The following CTNNA2 variants were observed in gnomAD, a reference collection of about 807,000 sequenced individuals.
The protein encoded by CTNNA2 is catenin alpha 2.
CTNNA2 carries 42 observed loss-of-function variants against 101.0 expected under a neutral mutation model. The observed-to-expected ratio is 0.42, with a 90% confidence interval of 0.32 to 0.54. CTNNA2 has a LOEUF of 0.54. Among genes scored for constraint, CTNNA2 ranks in the 20% least tolerant of loss-of-function variants. CTNNA2 has a pLI of 0.14. For synonymous variants in CTNNA2, 450 were observed against 456.4 expected (o/e 0.99, Z 0.18); for missense variants, 871 against 1,223.1 (o/e 0.71, Z 4.29).
chr2:79,735,227 G>T (rs1489571298), intron 2 of CTNNA2, among the ~76,000 whole-genome samples: 1 of 152,108 alleles, frequency 6.6e-6, no homozygotes, highest in Non-Finnish European at 1.5e-5. Context: ...GAAACATCGT[G>T]CCCTAATAGA....
chr2:80,022,822 G>A (rs1025425009), intron 7 of CTNNA2, among the ~76,000 whole-genome samples: 3 of 152,148 alleles, frequency 2.0e-5, no homozygotes, highest in Admixed American at 6.5e-5. Flanking sequence ...GAGATCACTC[G>A]TATGGCAGGC....
intron 4 of CTNNA2, among the ~76,000 whole-genome samples, chr2:79,471,844 CAAAA>C (rs1025971380): frequency 1.4e-5 from 2 of 145,928 alleles, no homozygotes; most frequent in African/African-American, 5.0e-5. Context: ...TCTCAAAAAA[CAAAA>C]AAAAAAGATT....
intron 7 of CTNNA2, among the ~76,000 whole-genome samples, chr2:80,046,539 T>A (rs886435439): frequency 3.1e-5 from 4 of 130,274 alleles, no homozygotes; most frequent in Non-Finnish European, 4.8e-5. Context: ...GTGTTCAAAC[T>A]TTTTTTACAG....
intron 3 of CTNNA2, among the ~76,000 whole-genome samples, chr2:79,344,731 G>A (rs1442854589): frequency 6.7e-6 from 1 of 150,326 alleles, no homozygotes; most frequent in African/African-American, 2.4e-5. Flanking sequence ...CTAGATACAT[G>A]TTCAATCTCT....
chr2:79,488,775 A>G (rs1052202963), intron 4 of CTNNA2, among the ~76,000 whole-genome samples: 25 of 152,070 alleles, frequency 1.6e-4, no homozygotes, highest in African/African-American at 5.8e-4. Context: ...CTCTCATGCT[A>G]TTGGTTTCAT....
chr2:79,587,312 G>A (rs537994227), intron 1 of CTNNA2, among the ~76,000 whole-genome samples: 3 of 152,004 alleles, frequency 2.0e-5, no homozygotes, highest in African/African-American at 7.2e-5. Context: ...GAAACCGTGG[G>A]CTGAGTTATT....
At chr2:80,149,782 A>T (rs1447893630) in intron 7 of CTNNA2, among the ~76,000 whole-genome samples, 3 of 138,482 alleles carry the variant, frequency 2.2e-5, no homozygotes, top group African/African-American at 6.7e-5. Context: ...GATCACACAC[A>T]CACACACACA....
At chr2:79,355,995 T>G (rs1335930376) in intron 3 of CTNNA2, among the ~76,000 whole-genome samples, 1 of 151,934 alleles carries the variant, frequency 6.6e-6, no homozygotes, top group Admixed American at 6.6e-5. Context: ...TCTATATATA[T>G]AACTCTTTGT....
chr2:80,374,675 G>A (rs1039713638), intron 7 of CTNNA2, among the ~76,000 whole-genome samples: 1 of 131,320 alleles, frequency 7.6e-6, no homozygotes, highest in African/African-American at 3.6e-5. Flanking sequence ...CTCTGCGTGC[G>A]TGCGTGCGTG....
intron 9 of CTNNA2, among the ~76,000 whole-genome samples, chr2:80,479,843 A>C (rs1382681105): frequency 6.6e-6 from 1 of 152,200 alleles, no homozygotes; most frequent in African/African-American, 2.4e-5. Context: ...TGGAAAGGTC[A>C]TTTAAATAAT....
intron 3 of CTNNA2, among the ~76,000 whole-genome samples, chr2:79,333,660 T>C (rs1461187441): frequency 6.6e-6 from 1 of 152,040 alleles, no homozygotes; most frequent in Admixed American, 6.6e-5. Flanking sequence ...TGCTCTAGGA[T>C]TCACAGAATA....
chr2:79,413,061 G>T (rs1033043730), intron 4 of CTNNA2, among the ~76,000 whole-genome samples: 45 of 151,932 alleles, frequency 3.0e-4, no homozygotes, highest in Admixed American at 1.1e-3. Context: ...CAAGTGTCAG[G>T]GTCAAAGTTT....
chr2:79,690,454 C>T (rs927193283), intron 2 of CTNNA2, among the ~76,000 whole-genome samples: 9 of 151,984 alleles, frequency 5.9e-5, no homozygotes, highest in Admixed American at 4.6e-4. Context: ...CATGTCCCTG[C>T]AAAGGACATG....
chr2:79,494,426 G>A (rs1326069621), intron 4 of CTNNA2, among the ~76,000 whole-genome samples: 1 of 152,106 alleles, frequency 6.6e-6, no homozygotes, highest in Non-Finnish European at 1.5e-5. Flanking sequence ...GCAAGCTACA[G>A]TAATCAAGAC....
chr2:79,772,944 A>C lies in CTNNA2; in HGVS notation c.298+28362A>C, dbSNP rs761898934. 8.4e-4 allele frequency among the ~76,000 whole-genome samples: 128 copies of C among 152,350 alleles called. 1 individual carries two copies. The highest frequency in any genetic ancestry group is 2.4e-4 in the Non-Finnish European group (16 of 68,030). ...TTAATGTAGCATTTTCAGTTGTTCT[A>C]TCAAACATAACATTTTATTCTAGGA... On this transcript the variant is annotated intron_variant, in intron 3 of 18. Transcript: ENST00000402739.
chr2:80,271,939 T>C (rs2149140957), intron 7 of CTNNA2, among the ~76,000 whole-genome samples: 1 of 152,306 alleles, frequency 6.6e-6, no homozygotes, highest in Non-Finnish European at 1.5e-5. Context: ...TAAGAGAGTC[T>C]TTTAGTGAGT....
At chr2:80,348,487 C>T (rs967035473) in intron 7 of CTNNA2, among the ~76,000 whole-genome samples, 17 of 152,068 alleles carry the variant, frequency 1.1e-4, no homozygotes, top group Admixed American at 9.8e-4. Context: ...ATTGCACAGC[C>T]GGTCATTGGA....
intron 7 of CTNNA2, among the ~76,000 whole-genome samples, chr2:80,046,523 G>T (rs146365909): frequency 6.6e-6 from 1 of 151,104 alleles, no homozygotes; most frequent in East Asian, 1.9e-4. Context: ...ATGGCTGAGA[G>T]CTGTGGTGTT....
chr2:79,462,378 A>G (rs896895643), intron 4 of CTNNA2, among the ~76,000 whole-genome samples: 1 of 152,142 alleles, frequency 6.6e-6, no homozygotes, highest in Non-Finnish European at 1.5e-5. Flanking sequence ...CTGCCTTCCC[A>G]GGAAGAATTG....
Sources: gnomAD v4.1 joint callset for allele counts (sites outside exome capture counted in the v4.1 genomes callset) on GRCh38, gnomAD v4.1.1 for gene constraint, MANE v1.5 for transcripts, NCBI Gene and HGNC (gene_info 2026-07-23, HGNC 2026-07-21) for gene names.